The following HRH3 variants were observed in gnomAD, a reference collection of about 807,000 sequenced individuals.
The protein encoded by HRH3 is histamine H3 receptor.
HRH3 carries 13 observed loss-of-function variants against 21.6 expected under a neutral mutation model. That is an observed-to-expected ratio of 0.60 (90% CI 0.39 to 0.96). HRH3 has a LOEUF of 0.96. Among genes scored for constraint, HRH3 ranks in the 40% least tolerant of loss-of-function variants. The pLI, the probability that HRH3 is intolerant of heterozygous loss-of-function variation, is 0.00. For synonymous variants in HRH3, 276 were observed against 290.3 expected (o/e 0.95, Z 0.50); for missense variants, 461 against 622.7 (o/e 0.74, Z 2.76).
chr20:62,217,005 A>G lies in HRH3; in HGVS notation c.418-79T>C, dbSNP rs184063256. 4.2e-4 allele frequency: 562 copies of G among 1,349,170 alleles called. 3 individuals are homozygous for G. In the East Asian group the frequency reaches 0.012, roughly 30 times the overall value. The allele number at this position is 1,349,170 out of a possible 1,614,324, so 83.6% of individuals were successfully genotyped here. A position where few individuals can be genotyped will look rare whatever the true frequency, so the allele number is the denominator to read the frequency against. On this transcript the variant is annotated intron_variant, in intron 2 of 2. Transcript: ENST00000340177. The stretch of plus-strand genomic sequence containing the variant: ...GCGCCCCCGTAGCCTGTGGGCCCCT[A>G]TGTGGGCCCTTCCCTCAGCAGCAAT...
intron 2 of HRH3, among the ~76,000 whole-genome samples, 164 bp from the exon 3 acceptor site, chr20:62,217,090 C>T (rs1025540023): frequency 3.9e-5 from 6 of 152,152 alleles, no homozygotes; most frequent in African/African-American, 1.4e-4. Flanking sequence ...TCCTCTAACC[C>T]TCCCCACTGG....
In HRH3 at chr20:62,220,277, G is replaced by A. The variant is rs1455666142; in HGVS notation, c.-307C>T. 2 of 148,060 alleles carry A rather than the reference G, an allele frequency of 1.4e-5. No individual in the cohort carries two copies. Among genetic ancestry groups the A allele is most frequent in the Non-Finnish European group, 3.0e-5 (2 of 66,444 alleles). The allele number at this position is 148,060 out of a possible 1,614,324, so 9.2% of individuals were successfully genotyped here. A position where few individuals can be genotyped will look rare whatever the true frequency, so the allele number is the denominator to read the frequency against. On this transcript the variant is annotated 5_prime_UTR_variant, in exon 1 of 3. Coordinates refer to ENST00000340177, the MANE Select transcript of HRH3 (RefSeq NM_007232.3). ...GCCGGAGCGCAACGCGCAGCCGAGTGCGCCCCGCGCCCAGCCCACCGCCCC... is the reference window on the plus strand; with the variant it reads ...GCCGGAGCGCAACGCGCAGCCGAGTACGCCCCGCGCCCAGCCCACCGCCCC...
rs1978498475 is a variant in HRH3 at position 62,215,555 on chromosome 20, T to C, written c.*451A>G. On this transcript the variant is annotated 3_prime_UTR_variant, in exon 3 of 3. Transcript: ENST00000340177. ...AAGAGACAGAAGGCAGCAAAGGCAG[T>C]GTCCTGGGCTTGTCCGGGGAGAGGG... 2.3e-6 allele frequency: 1 copy of C among 437,248 alleles called. No homozygotes were observed. The highest frequency in any genetic ancestry group is 1.6e-5 in the South Asian group (1 of 61,300). The allele number at this position is 437,248 out of a possible 1,614,324, so 27.1% of individuals were successfully genotyped here.
Position 62,219,851 on chromosome 20 carries a change from G to T in HRH3, c.120C>A (p.Leu40=). ...CCGTGGCCACGATGAGCAGCGCCAT[G>T]AGCGCGGCCAGCACCGCGGTCCAGG... ...SAAWTAVLAA[L]MALLIVATVL... Residue 40 remains leucine, a synonymous_variant, in exon 1 of 3, where the codon CTC becomes CTA. Transcript: ENST00000340177. The surrounding 1 kb of genome is among the most constrained non-coding windows in gnomAD (Gnocchi z 8.7). 6.4e-7 allele frequency: 1 copy of T among 1,562,270 alleles called. No individual in the cohort carries two copies. Among genetic ancestry groups the T allele is most frequent in the Non-Finnish European group, 8.6e-7 (1 of 1,158,198 alleles).
chr20:62,215,818 T>G lies in HRH3; in HGVS notation c.*188A>C. ...GCCACCCAGCCTCCAGTCCAGCCAG[T>G]GAGGGGCCCTCTGGCCAACCCAGGA... is the stretch of plus-strand genomic sequence containing the variant. On this transcript the variant is annotated 3_prime_UTR_variant, in exon 3 of 3. Transcript: ENST00000340177. 1 of 616,082 alleles carries G rather than the reference T, an allele frequency of 1.6e-6. No individual in the cohort carries two copies. Among genetic ancestry groups the G allele is most frequent in the Non-Finnish European group, 2.8e-6 (1 of 356,904 alleles). The allele number at this position is 616,082 out of a possible 1,614,324, so 38.2% of individuals were successfully genotyped here. A position where few individuals can be genotyped will look rare whatever the true frequency, so the allele number is the denominator to read the frequency against.
chr20:62,216,574 C>G lies in HRH3; in HGVS notation c.770G>C (p.Gly257Ala), dbSNP rs775141684. The G allele has an allele frequency of 2.1e-5, 33 of 1,605,986 alleles. No homozygotes were observed. The highest frequency in any genetic ancestry group is 2.5e-5 in the Non-Finnish European group (30 of 1,176,532). Reference protein sequence around the residue: ...EAQPSPPPPPGCWGCWQKGHG... With the variant: ...EAQPSPPPPPACWGCWQKGHG... ...CCCCTTCTGCCAGCAGCCCCAGCAG[C>G]CAGGCGGTGGGGGTGGTGAGGGCTG... Residue 257 changes from glycine to alanine, a missense_variant, in exon 3 of 3, where the codon GGC becomes GCC. By Grantham distance (60) the Gly-to-Ala change is moderately conservative. Coordinates refer to ENST00000340177, the MANE Select transcript of HRH3 (RefSeq NM_007232.3).
chr20:62,218,737 A>T lies in HRH3; in HGVS notation c.251-80T>A, dbSNP rs1978685111. 7.2e-7 allele frequency: 1 copy of T among 1,382,004 alleles called. No homozygotes were observed. The highest frequency in any genetic ancestry group is 2.0e-5 in the Admixed American group (1 of 49,578). The allele number at this position is 1,382,004 out of a possible 1,614,324, so 85.6% of individuals were successfully genotyped here. ...GGACCTAAGCGCAGACACCGGCGGG[A>T]CCTGGGGTCACATGGTGGCTGCTTT... On this transcript the variant is annotated intron_variant, in intron 1 of 2. Coordinates refer to ENST00000340177, the MANE Select transcript of HRH3 (RefSeq NM_007232.3). This position sits in a 1 kb window ranked among gnomAD's most constrained non-coding sequence, Gnocchi z 5.6.
Position 62,218,395 on chromosome 20 carries a change from C to T in HRH3, c.417+96G>A, listed in dbSNP as rs1978667572. On this transcript the variant is annotated intron_variant, in intron 2 of 2. Transcript: ENST00000340177. This position sits in a 1 kb window ranked among gnomAD's most constrained non-coding sequence, Gnocchi z 5.6. ...CAGTGGGACCAAGCCCACTTCTGCCCACAACTCAGAAGTGGCCGTCCCCAC... is the reference window on the plus strand; with the variant it reads ...CAGTGGGACCAAGCCCACTTCTGCCTACAACTCAGAAGTGGCCGTCCCCAC... The T allele has an allele frequency of 1.4e-6, 2 of 1,382,260 alleles. No individual in the cohort carries two copies. The highest frequency in any genetic ancestry group is 2.0e-6 in the Non-Finnish European group (2 of 1,021,478). The allele number at this position is 1,382,260 out of a possible 1,614,324, so 85.6% of individuals were successfully genotyped here. A position where few individuals can be genotyped will look rare whatever the true frequency, so the allele number is the denominator to read the frequency against.
rs779001130 is a variant in HRH3 at position 62,218,613 on chromosome 20, G to A, written c.295C>T (p.Arg99Cys). 17 of 1,612,262 alleles carry A rather than the reference G, an allele frequency of 1.1e-5. No homozygotes were observed. The highest frequency in any genetic ancestry group is 1.7e-4 in the Middle Eastern group (1 of 6,052). Reference sequence around the variant, plus strand: ...CAGAGGCCCCGGCCGAAGGTCCAGCGGCCTGTCAGCACGTAGGGTACATAC... The same window carrying A: ...CAGAGGCCCCGGCCGAAGGTCCAGCAGCCTGTCAGCACGTAGGGTACATAC... Reference protein sequence around the residue: ...PLYVPYVLTGRWTFGRGLCKL... With the variant: ...PLYVPYVLTGCWTFGRGLCKL... Residue 99 changes from arginine to cysteine, a missense_variant, in exon 2 of 3, where the codon CGC becomes TGC. Around this residue, in one of 6 missense-constraint regions of HRH3, gnomAD observed 102 missense variants for 155.6 expected, o/e 0.66. Coordinates refer to ENST00000340177, the MANE Select transcript of HRH3 (RefSeq NM_007232.3). This position sits in a 1 kb window ranked among gnomAD's most constrained non-coding sequence, Gnocchi z 5.6.
Position 62,215,186 on chromosome 20 carries a change from C to T in HRH3, c.*820G>A, listed in dbSNP as rs1172917746. On this transcript the variant is annotated 3_prime_UTR_variant, in exon 3 of 3. Coordinates refer to ENST00000340177, the MANE Select transcript of HRH3 (RefSeq NM_007232.3). Reference sequence around the variant, plus strand: ...CCCCCAGAGGTCCTGGGTGAGCAAACAGAGTGGCCGGGGCAGGCTTGGCCA... The same window carrying T: ...CCCCCAGAGGTCCTGGGTGAGCAAATAGAGTGGCCGGGGCAGGCTTGGCCA... 2.7e-6 allele frequency: 1 copy of T among 373,708 alleles called. No individual in the cohort carries two copies. Among genetic ancestry groups the T allele is most frequent in the African/African-American group, 2.1e-5 (1 of 47,388 alleles). The allele number at this position is 373,708 out of a possible 1,614,324, so 23.1% of individuals were successfully genotyped here. A position where few individuals can be genotyped will look rare whatever the true frequency, so the allele number is the denominator to read the frequency against.
chr20:62,217,350 T>C (rs1016699812), intron 2 of HRH3, among the ~76,000 whole-genome samples: 4 of 152,158 alleles, frequency 2.6e-5, no homozygotes, highest in Admixed American at 6.5e-5. Flanking sequence ...TCTGCAGAGG[T>C]TGGGGTGGGA....
At position 62,217,177 on chromosome 20, in the gene HRH3, T is replaced by C. The variant is rs528018490; in HGVS notation, c.418-251A>G. On this transcript the variant is annotated intron_variant, in intron 2 of 2. Coordinates refer to ENST00000340177, the MANE Select transcript of HRH3 (RefSeq NM_007232.3). ...GGGACCAACCTGAACCCTCACTCTC[T>C]GCTAGGCTGCCTGTTTACCACCCCC... is the stretch of plus-strand genomic sequence containing the variant. Among the ~76,000 whole-genome samples the C allele has an allele frequency of 8.9e-4, 135 of 152,224 alleles. 1 individual carries two copies. The South Asian group carries it at 0.027, about 31-fold the overall frequency.
chr20:62,219,603 C>T lies in HRH3; in HGVS notation c.250+118G>A. 2.3e-6 allele frequency: 3 copies of T among 1,330,582 alleles called. No individual in the cohort carries two copies. In the South Asian group the frequency reaches 4.3e-5, roughly 19 times the overall value. 82.4% of individuals were successfully genotyped at this position (1,330,582 alleles called of 1,614,324 possible). A position where few individuals can be genotyped will look rare whatever the true frequency, so the allele number is the denominator to read the frequency against. Reference sequence around the variant, plus strand: ...GGCTCCGGACGCCCCCTTCCCAGGCCGGGTCCCCTGGTGGGGCGTGTGCCT... The same window carrying T: ...GGCTCCGGACGCCCCCTTCCCAGGCTGGGTCCCCTGGTGGGGCGTGTGCCT... On this transcript the variant is annotated intron_variant, in intron 1 of 2. Coordinates refer to ENST00000340177, the MANE Select transcript of HRH3 (RefSeq NM_007232.3). This position sits in a 1 kb window ranked among gnomAD's most constrained non-coding sequence, Gnocchi z 8.7.
Position 62,216,866 on chromosome 20 carries a change from A to G in HRH3, c.478T>C (p.Trp160Arg). The G allele has an allele frequency of 6.2e-7, 1 of 1,612,494 alleles. No individual in the cohort carries two copies. Among genetic ancestry groups the G allele is most frequent in the Non-Finnish European group, 8.5e-7 (1 of 1,179,800 alleles). The stretch of plus-strand genomic sequence containing the variant: ...CCGTACAGCAGGAAGGCCAGCACCC[A>G]CACCAGCAGCATCTTCCGCACTGCC... ...RRAVRKMLLV[W>R]VLAFLLYGPA... is the part of the protein sequence containing the mutation. The change falls in exon 3 of 3, where the codon TGG becomes CGG. Residue 160 changes from tryptophan to arginine, a missense_variant. Transcript: ENST00000340177.
At position 62,219,800 on chromosome 20, in the gene HRH3, G is replaced by C; in HGVS notation, c.171C>G (p.Leu57=). The C allele has an allele frequency of 1.2e-6, 2 of 1,605,720 alleles. No homozygotes were observed. Among genetic ancestry groups the C allele is most frequent in the African/African-American group, 1.3e-5 (1 of 74,448 alleles). ...GGAGGCTCGAGTCGGCCACGAAGGC[G>C]AGCATGACCAGCGCGTTGCCCAGCA... The part of the protein sequence containing the change: ...ATVLGNALVM[L]AFVADSSLRT... Residue 57 remains leucine (L), a synonymous_variant, in exon 1 of 3, where the codon CTC becomes CTG. Transcript: ENST00000340177. The surrounding 1 kb of genome is among the most constrained non-coding windows in gnomAD (Gnocchi z 8.7).
At position 62,220,117 on chromosome 20, in the gene HRH3, G is replaced by A; in HGVS notation, c.-147C>T. On this transcript the variant is annotated 5_prime_UTR_variant, in exon 1 of 3. Coordinates refer to ENST00000340177, the MANE Select transcript of HRH3 (RefSeq NM_007232.3). ...CCTGGGGGCGCCCAGCGCATGGTCC[G>A]CGGGGCCGGGGCCGGGGCCAGAGCA... 1 of 656,898 alleles carries A rather than the reference G, an allele frequency of 1.5e-6. No homozygotes were observed. Among genetic ancestry groups the A allele is most frequent in the Non-Finnish European group, 1.9e-6 (1 of 531,010 alleles). The allele number at this position is 656,898 out of a possible 1,614,324, so 40.7% of individuals were successfully genotyped here.
In HRH3 at chr20:62,219,695, C is replaced by T; in HGVS notation, c.250+26G>A. On this transcript the variant is annotated intron_variant, in intron 1 of 2. Transcript: ENST00000340177. The surrounding 1 kb of genome is among the most constrained non-coding windows in gnomAD (Gnocchi z 8.7). ...GGCCACGCTGGGCGCCCCTGGGTCCCCAGCGGCCAGGGGCTGGGGATTTAC... is the reference window on the plus strand; with the variant it reads ...GGCCACGCTGGGCGCCCCTGGGTCCTCAGCGGCCAGGGGCTGGGGATTTAC... 1 of 1,581,570 alleles carries T rather than the reference C, an allele frequency of 6.3e-7. No individual in the cohort carries two copies. Among genetic ancestry groups the T allele is most frequent in the South Asian group, 1.1e-5 (1 of 87,784 alleles).
At position 62,219,582 on chromosome 20, in the gene HRH3, C is replaced by G; in HGVS notation, c.250+139G>C. On this transcript the variant is annotated intron_variant, in intron 1 of 2. Transcript: ENST00000340177. The surrounding 1 kb of genome is among the most constrained non-coding windows in gnomAD (Gnocchi z 8.7). ...GCCTGTGCCCCCCACCCCATGGGCT[C>G]CGGACGCCCCCTTCCCAGGCCGGGT... 9.0e-7 allele frequency: 1 copy of G among 1,111,184 alleles called. No individual in the cohort carries two copies. The highest frequency in any genetic ancestry group is 1.2e-6 in the Non-Finnish European group (1 of 814,080). 68.8% of individuals were successfully genotyped at this position (1,111,184 alleles called of 1,614,324 possible). A position where few individuals can be genotyped will look rare whatever the true frequency, so the allele number is the denominator to read the frequency against.
Position 62,218,738 on chromosome 20 carries a change from C to A in HRH3, c.251-81G>T, listed in dbSNP as rs1459081653. ...GACCTAAGCGCAGACACCGGCGGGA[C>A]CTGGGGTCACATGGTGGCTGCTTTT... On this transcript the variant is annotated intron_variant, in intron 1 of 2. Coordinates refer to ENST00000340177, the MANE Select transcript of HRH3 (RefSeq NM_007232.3). This position sits in a 1 kb window ranked among gnomAD's most constrained non-coding sequence, Gnocchi z 5.6. The A allele has an allele frequency of 1.4e-6, 2 of 1,385,204 alleles. No individual in the cohort carries two copies. Among genetic ancestry groups the A allele is most frequent in the Non-Finnish European group, 2.0e-6 (2 of 1,009,666 alleles). The allele number at this position is 1,385,204 out of a possible 1,614,324, so 85.8% of individuals were successfully genotyped here.
Sources: gnomAD v4.1 joint callset for allele counts (sites outside exome capture counted in the v4.1 genomes callset) on GRCh38, gnomAD v4.1.1 for gene constraint, gnomAD v4.1.1 regional missense constraint, Gnocchi (gnomAD v3.1) non-coding constraint, MANE v1.5 for transcripts, NCBI Gene and HGNC (gene_info 2026-07-23, HGNC 2026-07-21) for gene names.